Variants in OTUD7B observed in about 807,000 individuals in gnomAD.
OTUD7B encodes the protein OTU domain-containing protein 7B.
In OTUD7B, 34 loss-of-function variants were observed where a neutral mutation model predicts 82.2. The observed-to-expected ratio is 0.41, with a 90% CI of 0.31 to 0.55. OTUD7B has a LOEUF of 0.55. OTUD7B is among the 20% of genes least tolerant of loss of function. The pLI, the probability that OTUD7B is intolerant of heterozygous loss-of-function variation, is 0.20. For missense variants in OTUD7B, 944 were observed against 1,062.1 expected (o/e 0.89, Z 1.55); for synonymous variants, 398 against 402.7 (o/e 0.99, Z 0.14).
chr1:150,017,924 T>C, the OTUD7B span, among the ~76,000 whole-genome samples: 1 of 152,214 alleles, frequency 6.6e-6, no homozygotes, highest in Admixed American at 6.5e-5. Flanking sequence ...TATATCTAAT[T>C]GGCATCTACT....
chr1:150,060,144 C>T, the OTUD7B span, among the ~76,000 whole-genome samples: 1 of 152,220 alleles, frequency 6.6e-6, no homozygotes, highest in Non-Finnish European at 1.5e-5. Context: ...AATGCCTCAT[C>T]TCACATATTT....
chr1:150,014,410 A>AG (rs1254297389), upstream of OTUD7B, among the ~76,000 whole-genome samples: 36 of 149,950 alleles, frequency 2.4e-4, no homozygotes, highest in Admixed American at 6.7e-4. Context: ...AAAAAAAAAA[A>AG]AAGCTGTATG....
rs782281833 is a variant in OTUD7B at position 149,944,775 on chromosome 1, C to T, written c.1614G>A (p.Gly538=). ...KGSKPGGVGT[G]LGGSSGTETL... The stretch of plus-strand genomic sequence containing the variant: ...TCTCAGTGCCGCTGCTTCCTCCCAA[C>T]CCTGTCCCCACCCCTCCAGGCTTTG... The change falls in exon 12 of 12, where the codon GGG becomes GGA. Residue 538 remains glycine, a synonymous_variant. Coordinates refer to ENST00000581312, the MANE Select transcript of OTUD7B (RefSeq NM_020205.4). The T allele has an allele frequency of 1.9e-6, 3 of 1,614,122 alleles. No homozygotes were observed. The East Asian group carries it at 6.7e-5, about 36-fold the overall frequency.
rs1463558998 is a variant in OTUD7B, at chr1:149,939,839, G to A, written c.*4018C>T. 1 of 152,116 alleles carries A rather than the reference G, an allele frequency of 6.6e-6. No homozygotes were observed. The highest frequency in any genetic ancestry group is 1.5e-5 in the Non-Finnish European group (1 of 68,064). The allele number at this position is 152,116 out of a possible 1,614,324, so 9.4% of individuals were successfully genotyped here. A position where few individuals can be genotyped will look rare whatever the true frequency, so the allele number is the denominator to read the frequency against. On this transcript the variant is annotated 3_prime_UTR_variant, in exon 12 of 12. Transcript: ENST00000581312. The stretch of plus-strand genomic sequence containing the variant: ...AGCCACCTGGGAGGCTGAGACAGGA[G>A]AATCACTTGAACCCAGGAGACGGTG...
the OTUD7B span, among the ~76,000 whole-genome samples, chr1:150,032,693 AAGGAGG>A: frequency 0.11 from 16,167 of 150,920 alleles, 1,196 homozygotes; most frequent in Non-Finnish European, 0.17. Flanking sequence ...GAAGAAGAAG[AAGGAGG>A]AGGAGGAGGA....
chr1:149,977,365 T>C, intron 2 of OTUD7B, 61 bp downstream of exon 2: 1 of 1,211,966 alleles, frequency 8.3e-7, no homozygotes, highest in Admixed American at 1.7e-5. Flanking sequence ...GTCCAAATCA[T>C]CCTAATGATA....
intron 7 of OTUD7B, among the ~76,000 whole-genome samples, chr1:149,956,554 G>A (rs1648689367): frequency 6.6e-6 from 1 of 152,116 alleles, no homozygotes; most frequent in South Asian, 2.1e-4. Context: ...GGCGTTCTCT[G>A]TATTCCCTGA....
At chr1:149,985,268 C>T (rs768283233) in intron 1 of OTUD7B, among the ~76,000 whole-genome samples, 8 of 152,112 alleles carry the variant, frequency 5.3e-5, no homozygotes, top group Non-Finnish European at 8.8e-5. Context: ...ATTAGCCAGG[C>T]GTGGTGGTGT....
chr1:149,971,486 C>T (rs1649934051), intron 2 of OTUD7B, among the ~76,000 whole-genome samples: 1 of 151,850 alleles, frequency 6.6e-6, no homozygotes, highest in Non-Finnish European at 1.5e-5. Flanking sequence ...AAACTTTGTC[C>T]CTCTGAACTA....
At chr1:150,028,797 A>G in the OTUD7B span, among the ~76,000 whole-genome samples, 1 of 152,154 alleles carries the variant, frequency 6.6e-6, no homozygotes, top group African/African-American at 2.4e-5. Flanking sequence ...CAGCCTCCCA[A>G]GAAGCTGGGA....
intron 1 of OTUD7B, among the ~76,000 whole-genome samples, chr1:150,007,264 G>T (rs983327244): frequency 6.6e-6 from 1 of 152,092 alleles, no homozygotes; most frequent in Non-Finnish European, 1.5e-5. Context: ...AAGTTAACTT[G>T]TCCAAGGTCA....
the OTUD7B span, among the ~76,000 whole-genome samples, chr1:150,039,159 T>C: frequency 3.3e-5 from 5 of 152,186 alleles, no homozygotes; most frequent in Non-Finnish European, 7.4e-5. Flanking sequence ...ATGCTATTCA[T>C]TGCTCTTTAA....
At chr1:149,992,947 TCAAGAC>T (rs1267487169) in intron 1 of OTUD7B, among the ~76,000 whole-genome samples, 42 of 151,536 alleles carry the variant, frequency 2.8e-4, no homozygotes, top group African/African-American at 9.7e-4. Flanking sequence ...GGTCAGGGGT[TCAAGAC>T]CAGTCTGGCC....
chr1:149,951,228 C>A (rs189081870), intron 7 of OTUD7B, among the ~76,000 whole-genome samples: 7 of 152,194 alleles, frequency 4.6e-5, no homozygotes, highest in African/African-American at 1.2e-4. Context: ...GCCTCGGCCT[C>A]CCAAAGTGCT....
the OTUD7B span, among the ~76,000 whole-genome samples, chr1:150,039,945 T>C: frequency 6.6e-6 from 1 of 152,234 alleles, no homozygotes; most frequent in East Asian, 1.9e-4. Context: ...ATAATGATTT[T>C]TGTTGCTTCC....
chr1:149,953,504 T>C (rs1648427239), intron 7 of OTUD7B, among the ~76,000 whole-genome samples: 1 of 152,222 alleles, frequency 6.6e-6, no homozygotes, highest in Non-Finnish European at 1.5e-5. Flanking sequence ...TTTGTTCTTT[T>C]GGCTTAGGAT....
the OTUD7B span, among the ~76,000 whole-genome samples, chr1:150,059,053 C>CTT: frequency 3.7e-4 from 46 of 125,460 alleles, no homozygotes; most frequent in South Asian, 1.5e-3. Context: ...ACTTTCTTTT[C>CTT]TTTTTTTTTT....
upstream of OTUD7B, among the ~76,000 whole-genome samples, chr1:150,013,249 AT>A (rs1653153258): frequency 6.6e-6 from 1 of 152,294 alleles, no homozygotes; most frequent in South Asian, 2.1e-4. Context: ...CGTCTTAGCA[AT>A]TCTAAGGGCT....
At chr1:150,067,580 C>G in the OTUD7B span, 1 of 446,308 alleles carries the variant, frequency 2.2e-6, no homozygotes, top group African/African-American at 2.0e-5. Context: ...TCTGAGAGTC[C>G]GGGCCTCAGG....
Sources: allele counts gnomAD v4.1 joint callset (sites outside exome capture counted in the v4.1 genomes callset), GRCh38; gene constraint gnomAD v4.1.1; transcripts MANE v1.5; gene names NCBI Gene and HGNC (gene_info 2026-07-23, HGNC 2026-07-21).